SVOP: variants seen among roughly 807,000 people sequenced by gnomAD.
The protein encoded by SVOP is synaptic vesicle 2-related protein.
In SVOP, 17 loss-of-function variants were observed where a neutral mutation model predicts 69.1. The observed-to-expected ratio is 0.25, with a 90% CI of 0.17 to 0.37. The LOEUF (loss-of-function observed/expected upper bound fraction) is 0.37. SVOP is among the 10% of genes least tolerant of loss of function. The pLI, the probability that SVOP is intolerant of heterozygous loss-of-function variation, is 1.00. For missense variants in SVOP, 435 were observed against 597.5 expected, an observed-to-expected ratio of 0.73 and a Z score of 2.84; for synonymous variants, 238 against 238.6, an observed-to-expected ratio of 1.00 and a Z score of 0.02.
At chr12:108,920,096 A>G (rs1385624986) in intron 12 of SVOP, among the ~76,000 whole-genome samples, 1 of 152,256 alleles carries the variant, frequency 6.6e-6, no homozygotes, top group Non-Finnish European at 1.5e-5. Flanking sequence ...TGAGGCCCTC[A>G]GTGCAAAAAC....
chr12:109,019,218 G>A lies in SVOP; in HGVS notation c.35+1616C>T, dbSNP rs775985058. Among the ~76,000 whole-genome samples the A allele has an allele frequency of 4.9e-4, 75 of 151,764 alleles. 1 individual carries two copies. Among genetic ancestry groups the A allele is most frequent in the Non-Finnish European group, 2.9e-4 (20 of 67,940 alleles). On this transcript the variant is annotated intron_variant, in intron 1 of 15. Transcript: ENST00000610966. ...TGAACTTTATTTACCTTTATTTATT[G>A]GTACATTGTATTATATTCCTATAAA...
At chr12:108,933,172 G>T (rs927504942) in intron 11 of SVOP, among the ~76,000 whole-genome samples, 1 of 152,104 alleles carries the variant, frequency 6.6e-6, no homozygotes, top group Non-Finnish European at 1.5e-5. Flanking sequence ...ACCACGCCTG[G>T]CCTGCAACTT....
intron 1 of SVOP, among the ~76,000 whole-genome samples, chr12:109,016,968 A>G (rs2040371081): frequency 6.6e-6 from 1 of 152,128 alleles, no homozygotes; most frequent in Non-Finnish European, 1.5e-5. Context: ...GGCTTGCAGT[A>G]GTTCTTGATA....
chr12:108,928,971 C>A (rs1338709508), intron 11 of SVOP, among the ~76,000 whole-genome samples: 2 of 152,200 alleles, frequency 1.3e-5, no homozygotes, highest in Non-Finnish European at 2.9e-5. Flanking sequence ...GACACAGGGA[C>A]AGAAAAGAAT....
chr12:108,958,449 T>C (rs895645251), intron 6 of SVOP, among the ~76,000 whole-genome samples: 2 of 152,178 alleles, frequency 1.3e-5, no homozygotes, highest in Non-Finnish European at 2.9e-5. Context: ...CCTGGAGCAA[T>C]AGGCTATACC....
intron 4 of SVOP, 108 bp from the exon 5 acceptor site, chr12:108,972,584 C>T (rs1454080893): frequency 2.4e-5 from 27 of 1,124,508 alleles, no homozygotes; most frequent in Non-Finnish European, 3.5e-5. Flanking sequence ...CAGCAATGAT[C>T]TAACATTCAC....
At chr12:108,970,397 G>A (rs2040072062) in intron 5 of SVOP, among the ~76,000 whole-genome samples, 1 of 152,176 alleles carries the variant, frequency 6.6e-6, no homozygotes, top group South Asian at 2.1e-4. Flanking sequence ...TGGTTATTAA[G>A]GGGATTGGAT....
intron 7 of SVOP, among the ~76,000 whole-genome samples, chr12:108,943,155 T>C (rs2039902399): frequency 6.6e-6 from 1 of 152,134 alleles, no homozygotes; most frequent in South Asian, 2.1e-4. Flanking sequence ...TTCCAAAACC[T>C]GGCCCTCCAG....
intron 5 of SVOP, among the ~76,000 whole-genome samples, chr12:108,968,074 A>G (rs1221294339): frequency 3.3e-5 from 5 of 152,230 alleles, no homozygotes; most frequent in Non-Finnish European, 7.3e-5. Context: ...TTCCAGGTCA[A>G]CAAAGAACAC....
chr12:108,967,712 G>T (rs778080207), intron 5 of SVOP, among the ~76,000 whole-genome samples: 100 of 152,156 alleles, frequency 6.6e-4, no homozygotes, highest in Non-Finnish European at 7.1e-4. Flanking sequence ...ATGCACTGTG[G>T]GCTATGAAGC....
At chr12:109,004,843 T>C (rs1158075325) in intron 1 of SVOP, among the ~76,000 whole-genome samples, 1 of 152,078 alleles carries the variant, frequency 6.6e-6, no homozygotes, top group Admixed American at 6.6e-5. Flanking sequence ...GTTCTAGTGA[T>C]TCTCCTGCCT....
chr12:108,981,558 T>C (rs908004419), intron 2 of SVOP, among the ~76,000 whole-genome samples: 15 of 152,216 alleles, frequency 9.9e-5, no homozygotes, highest in African/African-American at 3.6e-4. Context: ...TGGGTAAGAA[T>C]GTGGGCTCTG....
In SVOP at chr12:108,983,654, A is replaced by G. The variant is rs1426086209; in HGVS notation, c.143T>C (p.Val48Ala). The change falls in exon 2 of 16, where the codon GTG becomes GCG. Residue 48 changes from valine to alanine, a missense_variant. Transcript: ENST00000610966. ...IEGVHVGLEA[V>A]ELDDGAAVPK... is the part of the protein sequence containing the mutation. ...CACAGCTGCCCCATCATCCAGCTCC[A>G]CAGCCTCTAGGCCCACGTGGACCCC... 2.3e-5 allele frequency: 9 copies of G among 398,772 alleles called. No individual in the cohort carries two copies. Among genetic ancestry groups the G allele is most frequent in the Non-Finnish European group, 3.1e-5 (7 of 226,288 alleles). 24.7% of individuals were successfully genotyped at this position (398,772 alleles called of 1,614,324 possible).
At chr12:108,940,761 G>C (rs939197598) in intron 8 of SVOP, 23 bp downstream of exon 8, 1 of 1,534,426 alleles carries the variant, frequency 6.5e-7, no homozygotes, top group African/African-American at 1.4e-5. Flanking sequence ...AGCAAAAGGT[G>C]AAATCTCTTA....
chr12:108,961,533 T>C (rs987894719), intron 5 of SVOP, among the ~76,000 whole-genome samples: 1 of 152,082 alleles, frequency 6.6e-6, no homozygotes, highest in Non-Finnish European at 1.5e-5. Context: ...CCTGGAACTT[T>C]ACAAAATTGT....
chr12:108,955,992 G>A (rs1306090948), intron 6 of SVOP, among the ~76,000 whole-genome samples: 1 of 152,136 alleles, frequency 6.6e-6, no homozygotes, highest in Non-Finnish European at 1.5e-5. Flanking sequence ...CAGAGCCCAT[G>A]ATCTATTTTA....
At chr12:109,001,812 G>A (rs1158508933) in intron 1 of SVOP, among the ~76,000 whole-genome samples, 1 of 152,024 alleles carries the variant, frequency 6.6e-6, no homozygotes, top group Non-Finnish European at 1.5e-5. Context: ...ATCAATTCAA[G>A]ATGGATTAAA....
chr12:108,968,235 C>T (rs867170794), intron 5 of SVOP, among the ~76,000 whole-genome samples: 1 of 152,208 alleles, frequency 6.6e-6, no homozygotes, highest in African/African-American at 2.4e-5. Context: ...CACTCTCAAC[C>T]AGGGAGGTCA....
chr12:108,961,482 G>A (rs960249483), intron 5 of SVOP, among the ~76,000 whole-genome samples: 2 of 146,666 alleles, frequency 1.4e-5, no homozygotes, highest in Non-Finnish European at 3.0e-5. Context: ...TTTCAGGAAC[G>A]CAACTTTCAG....
Sources: allele counts gnomAD v4.1 joint callset (sites outside exome capture counted in the v4.1 genomes callset), GRCh38; gene constraint gnomAD v4.1.1; transcripts MANE v1.5; gene names NCBI Gene and HGNC (gene_info 2026-07-23, HGNC 2026-07-21).